The following SLC26A7 variants were observed in gnomAD, a reference collection of about 807,000 sequenced individuals.
SLC26A7 encodes solute carrier family 26 member 7.
A neutral mutation model predicts 82.5 loss-of-function variants in SLC26A7; 59 were observed. The ratio of observed to expected loss-of-function variants is 0.72; its 90% confidence interval spans 0.58 to 0.89. The LOEUF (loss-of-function observed/expected upper bound fraction) is 0.89. Among genes scored for constraint, SLC26A7 ranks in the 40% least tolerant of loss-of-function variants. The pLI is 0.00. For missense variants in SLC26A7, 820 were observed against 793.0 expected (o/e 1.03, Z -0.41); for synonymous variants, 271 against 274.3 (o/e 0.99, Z 0.12).
intron 1 of SLC26A7, among the ~76,000 whole-genome samples, chr8:91,217,492 C>T (rs771305689): frequency 1.3e-5 from 2 of 152,124 alleles, no homozygotes; most frequent in Non-Finnish European, 2.9e-5. Flanking sequence ...AGAGAATGTC[C>T]TGGGGCTGAT....
chr8:91,281,571 A>T (rs760123352), intron 2 of SLC26A7, among the ~76,000 whole-genome samples: 1 of 152,224 alleles, frequency 6.6e-6, no homozygotes, highest in African/African-American at 2.4e-5. Context: ...CTGTATTTTC[A>T]TGTTCAACCA....
chr8:91,261,482 G>A (rs1306685080), intron 2 of SLC26A7, among the ~76,000 whole-genome samples: 2 of 152,012 alleles, frequency 1.3e-5, no homozygotes, highest in East Asian at 3.9e-4. Context: ...AACCCAGGGA[G>A]TCGCCAAAGA....
intron 2 of SLC26A7, among the ~76,000 whole-genome samples, chr8:91,235,578 C>T (rs1414496464): frequency 1.3e-5 from 2 of 152,190 alleles, no homozygotes; most frequent in East Asian, 3.9e-4. Context: ...TGCAAAATGT[C>T]TGGGAGCCAC....
At chr8:91,322,898 A>G (rs956274210) in intron 5 of SLC26A7, among the ~76,000 whole-genome samples, 2 of 152,196 alleles carry the variant, frequency 1.3e-5, no homozygotes, top group African/African-American at 4.8e-5. Context: ...CAAGCAAAGT[A>G]CTTTTCTAGT....
intron 2 of SLC26A7, among the ~76,000 whole-genome samples, chr8:91,240,127 A>G (rs1810454249): frequency 6.6e-6 from 1 of 152,176 alleles, no homozygotes; most frequent in Admixed American, 6.5e-5. Context: ...GGTGGGATTG[A>G]ATTTCAGCTT....
At chr8:91,235,401 A>G (rs1168565680) in intron 2 of SLC26A7, among the ~76,000 whole-genome samples, 6 of 152,232 alleles carry the variant, frequency 3.9e-5, no homozygotes, top group Non-Finnish European at 8.8e-5. Context: ...AGAATCTGGT[A>G]TGCAGTTTCT....
At chr8:91,212,120 G>T (rs1393077344) in intron 1 of SLC26A7, among the ~76,000 whole-genome samples, 1 of 152,080 alleles carries the variant, frequency 6.6e-6, no homozygotes, top group Non-Finnish European at 1.5e-5. Context: ...TAATTTCAAT[G>T]TAGTTGATAT....
intron 4 of SLC26A7, among the ~76,000 whole-genome samples, chr8:91,315,268 A>G (rs777953895): frequency 2.0e-5 from 3 of 152,188 alleles, no homozygotes; most frequent in African/African-American, 7.2e-5. Context: ...CTGAAATGAA[A>G]ATTCAACTCT....
chr8:91,318,405 C>T (rs780971102), intron 5 of SLC26A7, 25 bp downstream of exon 5: 55 of 1,558,184 alleles, frequency 3.5e-5, no homozygotes, highest in Non-Finnish European at 4.8e-5. Flanking sequence ...TGCTTTCATA[C>T]ATATCTTTTG....
At chr8:91,214,342 G>A (rs761913371) in intron 1 of SLC26A7, among the ~76,000 whole-genome samples, 3 of 152,132 alleles carry the variant, frequency 2.0e-5, no homozygotes, top group East Asian at 1.9e-4. Context: ...AAGTGAATAC[G>A]TTTAACCCTC....
At chr8:91,244,899 A>G (rs1810523425), upstream of SLC26A7, among the ~76,000 whole-genome samples, 1 of 152,190 alleles carries the variant, frequency 6.6e-6, no homozygotes, top group Non-Finnish European at 1.5e-5. Flanking sequence ...AGAATATGAA[A>G]TAATAGCAGA....
intron 2 of SLC26A7, among the ~76,000 whole-genome samples, chr8:91,235,104 T>G (rs549663975): frequency 2.0e-5 from 3 of 152,072 alleles, no homozygotes; most frequent in African/African-American, 7.2e-5. Context: ...AAAATTTTTT[T>G]GTGGAAAGTG....
At chr8:91,394,316 A>G in intron 18 of SLC26A7, 1 of 1,610,770 alleles carries the variant, frequency 6.2e-7, no homozygotes, top group East Asian at 2.2e-5. Flanking sequence ...GCTTACTTGT[A>G]CAACAAATGC....
intron 5 of SLC26A7, among the ~76,000 whole-genome samples, chr8:91,321,466 G>A (rs1812788012): frequency 6.6e-6 from 1 of 152,190 alleles, no homozygotes; most frequent in Admixed American, 6.5e-5. Context: ...CTCAGGGGAG[G>A]AGTTCTTCCC....
chr8:91,247,656 A>G (rs947150024), upstream of SLC26A7, among the ~76,000 whole-genome samples: 3 of 152,252 alleles, frequency 2.0e-5, no homozygotes, highest in South Asian at 2.1e-4. Context: ...TTGGTCTTGA[A>G]ATGTTTTAGA....
intron 1 of SLC26A7, among the ~76,000 whole-genome samples, chr8:91,211,609 TA>T (rs906755631): frequency 4.3e-4 from 60 of 138,860 alleles, no homozygotes; most frequent in African/African-American, 1.6e-3. Context: ...TATATATATA[TA>T]TATATATTTT....
chr8:91,273,027 A>G (rs563602766), intron 2 of SLC26A7, among the ~76,000 whole-genome samples: 1 of 152,192 alleles, frequency 6.6e-6, no homozygotes. Flanking sequence ...TGTTTTATGT[A>G]ATATAAGGGT....
rs552376069 is a variant in SLC26A7, at chr8:91,322,102, T to G, written c.642+3722T>G. On this transcript the variant is annotated intron_variant, in intron 5 of 18. Coordinates refer to ENST00000276609, the MANE Select transcript of SLC26A7 (RefSeq NM_052832.4). ...ATGCTTTTCCTCTATAGAGGACTCT[T>G]AATCAGATTTTAAAAAAGACTAAAT... Among the ~76,000 whole-genome samples the G allele has an allele frequency of 2.6e-5, 4 of 152,266 alleles. No homozygotes were observed. The East Asian group carries it at 7.7e-4, about 29-fold the overall frequency.
intron 2 of SLC26A7, among the ~76,000 whole-genome samples, chr8:91,272,420 T>G (rs1247774280): frequency 6.6e-6 from 1 of 152,194 alleles, no homozygotes; most frequent in East Asian, 1.9e-4. Context: ...AAAATCATTT[T>G]GGTAGATACT....
Sources: allele counts gnomAD v4.1 joint callset (sites outside exome capture counted in the v4.1 genomes callset), GRCh38; gene constraint gnomAD v4.1.1; transcripts MANE v1.5; gene names NCBI Gene and HGNC (gene_info 2026-07-23, HGNC 2026-07-21).